KYNU: variants seen among roughly 807,000 people sequenced by gnomAD.
The protein encoded by KYNU is L-kynurenine hydrolase.
Under a neutral mutation model 59.2 loss-of-function variants are expected in KYNU, and 54 were observed. That is an observed-to-expected ratio of 0.91 (90% CI 0.73 to 1.14). KYNU has a LOEUF of 1.14. KYNU is among the 50% of genes most tolerant of loss of function. The pLI, the probability that KYNU is intolerant of heterozygous loss-of-function variation, is 0.00. For synonymous variants in KYNU, 177 were observed against 192.0 expected (o/e 0.92, Z 0.65); for missense variants, 567 against 554.4 (o/e 1.02, Z -0.23).
chr2:142,899,677 A>T (rs1192833139), intron 2 of KYNU, among the ~76,000 whole-genome samples: 1 of 152,106 alleles, frequency 6.6e-6, no homozygotes, highest in Non-Finnish European at 1.5e-5. Context: ...CCCACAGTAG[A>T]TCTTAGTCAT....
chr2:142,962,714 G>A (rs558614137), intron 8 of KYNU, among the ~76,000 whole-genome samples: 9 of 152,290 alleles, frequency 5.9e-5, no homozygotes, highest in Non-Finnish European at 8.8e-5. Context: ...CTATGAAGAA[G>A]CAATCAATAC....
intron 4 of KYNU, among the ~76,000 whole-genome samples, chr2:142,952,680 C>G (rs1236532115): frequency 1.3e-5 from 2 of 152,126 alleles, no homozygotes; most frequent in Non-Finnish European, 2.9e-5. Context: ...TTCAAGCATT[C>G]CTCCTGCCTC....
At chr2:143,028,863 A>G (rs1030716856) in intron 10 of KYNU, among the ~76,000 whole-genome samples, 1 of 151,922 alleles carries the variant, frequency 6.6e-6, no homozygotes, top group African/African-American at 2.4e-5. Context: ...AAAACAAAAC[A>G]AAACAAAACA....
intron 10 of KYNU, among the ~76,000 whole-genome samples, chr2:143,006,883 C>T (rs1241012086): frequency 1.3e-5 from 2 of 152,054 alleles, no homozygotes; most frequent in Non-Finnish European, 2.9e-5. Flanking sequence ...GCAGAAAGGA[C>T]ATCCACACCA....
intron 1 of KYNU, among the ~76,000 whole-genome samples, chr2:142,878,780 G>C (rs1214724499): frequency 6.6e-6 from 1 of 151,994 alleles, no homozygotes; most frequent in African/African-American, 2.4e-5. Context: ...TAAATCGAAG[G>C]CACATTGATG....
chr2:142,918,222 C>T (rs1161312876), intron 2 of KYNU, among the ~76,000 whole-genome samples: 2 of 152,006 alleles, frequency 1.3e-5, no homozygotes, highest in Non-Finnish European at 2.9e-5. Flanking sequence ...AAATTAGTAC[C>T]GTGTTAGTAC....
At chr2:142,892,330 C>G (rs1681742968) in intron 2 of KYNU, among the ~76,000 whole-genome samples, 1 of 152,176 alleles carries the variant, frequency 6.6e-6, no homozygotes, top group Non-Finnish European at 1.5e-5. Flanking sequence ...TCTTCTTTCT[C>G]TGTGAATGTG....
intron 10 of KYNU, among the ~76,000 whole-genome samples, chr2:143,025,117 T>A (rs937132845): frequency 2.6e-5 from 4 of 152,186 alleles, no homozygotes; most frequent in African/African-American, 9.6e-5. Flanking sequence ...TTAAGATATG[T>A]TAATCCTATT....
At chr2:142,982,217 A>G (rs1472856273) in intron 8 of KYNU, among the ~76,000 whole-genome samples, 3 of 152,130 alleles carry the variant, frequency 2.0e-5, no homozygotes, top group Non-Finnish European at 4.4e-5. Flanking sequence ...TACACATAGT[A>G]AACTACACTT....
At chr2:143,001,968 G>A (rs1207485884) in intron 10 of KYNU, among the ~76,000 whole-genome samples, 1 of 152,120 alleles carries the variant, frequency 6.6e-6, no homozygotes, top group Non-Finnish European at 1.5e-5. Flanking sequence ...ATTGGCACAG[G>A]AGCCAATAAT....
chr2:142,953,583 A>G (rs1265053630), intron 4 of KYNU, among the ~76,000 whole-genome samples: 1 of 152,244 alleles, frequency 6.6e-6, no homozygotes, highest in Non-Finnish European at 1.5e-5. Context: ...TTATATTCAT[A>G]TCTATTTAGT....
At chr2:143,009,182 AAG>A (rs1686013587) in intron 10 of KYNU, among the ~76,000 whole-genome samples, 1 of 67,786 alleles carries the variant, frequency 1.5e-5, no homozygotes, top group Non-Finnish European at 2.6e-5. Flanking sequence ...TAAAGAAAAA[AAG>A]AGAGAAGAAT....
chr2:143,012,498 A>G (rs541572104), intron 10 of KYNU, among the ~76,000 whole-genome samples: 11 of 152,000 alleles, frequency 7.2e-5, no homozygotes, highest in African/African-American at 2.7e-4. Flanking sequence ...AACAAAAAAA[A>G]AAAAAAAGAA....
At chr2:143,017,888 G>A (rs564509329) in intron 10 of KYNU, among the ~76,000 whole-genome samples, 7 of 152,000 alleles carry the variant, frequency 4.6e-5, no homozygotes, top group Non-Finnish European at 8.8e-5. Context: ...ATCTGTTCAT[G>A]TATTTTGCCC....
At chr2:143,012,033 T>A (rs1199464653) in intron 10 of KYNU, among the ~76,000 whole-genome samples, 2 of 145,528 alleles carry the variant, frequency 1.4e-5, no homozygotes, top group East Asian at 4.2e-4. Context: ...CTGCACAATG[T>A]GCACATATAC....
chr2:142,879,115 G>A (rs1681200661), intron 1 of KYNU, among the ~76,000 whole-genome samples: 1 of 152,152 alleles, frequency 6.6e-6, no homozygotes, highest in South Asian at 2.1e-4. Flanking sequence ...AACTAAACAT[G>A]GCATAACATT....
chr2:142,965,996 G>A (rs76475472), intron 8 of KYNU, among the ~76,000 whole-genome samples: 4,095 of 145,128 alleles, frequency 0.028, 166 homozygotes, highest in African/African-American at 0.099. Context: ...TTCTTTTATC[G>A]TCTCATTTCA....
At chr2:142,967,128 C>A (rs1050896864) in intron 8 of KYNU, among the ~76,000 whole-genome samples, 1 of 152,052 alleles carries the variant, frequency 6.6e-6, no homozygotes, top group Admixed American at 6.6e-5. Context: ...CTCCTCCATC[C>A]CTTTCTAATT....
At chr2:142,923,240 A>C (rs1558923586) in intron 3 of KYNU, among the ~76,000 whole-genome samples, 2 of 152,240 alleles carry the variant, frequency 1.3e-5, no homozygotes, top group South Asian at 4.1e-4. Context: ...TAGTTTTCTT[A>C]GAATCTTTTA....
Sources: allele counts gnomAD v4.1 joint callset (sites outside exome capture counted in the v4.1 genomes callset), GRCh38; gene constraint gnomAD v4.1.1; transcripts MANE v1.5; gene names NCBI Gene and HGNC (gene_info 2026-07-23, HGNC 2026-07-21).